MYO16: variants seen among roughly 807,000 people sequenced by gnomAD.
The protein encoded by MYO16 is myosin XVI, also known as unconventional myosin-XVI.
A neutral mutation model predicts 205.3 loss-of-function variants in MYO16; 94 were observed. The observed-to-expected ratio is 0.46, with a 90% CI of 0.39 to 0.54. The LOEUF (loss-of-function observed/expected upper bound fraction) is 0.54. Ranked by LOEUF, MYO16 falls within the 20% of genes least tolerant of loss-of-function variation. MYO16 has a pLI of 0.00. For synonymous variants in MYO16, 988 were observed against 954.0 expected, an observed-to-expected ratio of 1.04 and a Z score of -0.66; for missense variants, 2,315 against 2,387.5, an observed-to-expected ratio of 0.97 and a Z score of 0.63.
At chr13:108,610,778 A>G (rs945872417) in intron 1 of MYO16, among the ~76,000 whole-genome samples, 1 of 152,182 alleles carries the variant, frequency 6.6e-6, no homozygotes, top group African/African-American at 2.4e-5. Flanking sequence ...GAGGCAGAAG[A>G]GAGGAGGAGA....
At chr13:109,012,779 G>GTATATATATATATATATA (rs113007743) in intron 22 of MYO16, among the ~76,000 whole-genome samples, 1 of 146,658 alleles carries the variant, frequency 6.8e-6, no homozygotes, top group African/African-American at 2.5e-5. Context: ...ATGTGTGTGT[G>GTATATATATATATATATA]TATATATATA....
At chr13:108,663,026 T>C (rs1251185671) in intron 1 of MYO16, among the ~76,000 whole-genome samples, 2 of 152,150 alleles carry the variant, frequency 1.3e-5, no homozygotes, top group Non-Finnish European at 2.9e-5. Context: ...CTTCACCTTC[T>C]CCAGTGGGGG....
intron 34 of MYO16, among the ~76,000 whole-genome samples, chr13:109,180,244 A>T (rs1264422796): frequency 6.6e-6 from 1 of 152,232 alleles, no homozygotes; most frequent in African/African-American, 2.4e-5. Flanking sequence ...TTATCACTTC[A>T]AGAAGAAGAA....
chr13:108,736,937 TTG>T (rs1884723621), intron 4 of MYO16, among the ~76,000 whole-genome samples: 1 of 151,860 alleles, frequency 6.6e-6, no homozygotes. Flanking sequence ...ATTTGGCTGT[TTG>T]TCTGTTATTC....
chr13:108,674,859 A>G (rs1265481776), intron 2 of MYO16, among the ~76,000 whole-genome samples: 1 of 152,210 alleles, frequency 6.6e-6, no homozygotes, highest in Non-Finnish European at 1.5e-5. Context: ...TAGAGCAAAT[A>G]TAAAATATCA....
chr13:108,748,378 C>T (rs1332823129), intron 4 of MYO16, among the ~76,000 whole-genome samples: 1 of 151,870 alleles, frequency 6.6e-6, no homozygotes, highest in African/African-American at 2.4e-5. Flanking sequence ...AAATTTATAG[C>T]ATTAAATACG....
At chr13:109,121,165 A>C (rs2139761972) in intron 29 of MYO16, among the ~76,000 whole-genome samples, 1 of 152,272 alleles carries the variant, frequency 6.6e-6, no homozygotes, top group South Asian at 2.1e-4. Context: ...ATAATGATCA[A>C]AATTCTGAAC....
intron 2 of MYO16, among the ~76,000 whole-genome samples, chr13:108,701,181 C>CA (rs1373337382): frequency 6.6e-6 from 1 of 151,962 alleles, no homozygotes; most frequent in Non-Finnish European, 1.5e-5. Flanking sequence ...CAATTACAAG[C>CA]AGAAACAGCA....
At chr13:108,697,458 C>A (rs1299577723) in intron 2 of MYO16, among the ~76,000 whole-genome samples, 2 of 152,126 alleles carry the variant, frequency 1.3e-5, no homozygotes, top group African/African-American at 4.8e-5. Context: ...TCCAGGAATT[C>A]CAGTTGCATC....
At chr13:109,191,557 T>C (rs939920561) in intron 34 of MYO16, among the ~76,000 whole-genome samples, 2 of 152,150 alleles carry the variant, frequency 1.3e-5, no homozygotes, top group East Asian at 3.9e-4. Flanking sequence ...AGCAAAGATA[T>C]GGAAGTCAGG....
chr13:109,127,518 G>C lies in MYO16; in HGVS notation c.4019G>C (p.Cys1340Ser). The C allele has an allele frequency of 6.2e-7, 1 of 1,612,478 alleles. No homozygotes were observed. The highest frequency in any genetic ancestry group is 8.5e-7 in the Non-Finnish European group (1 of 1,179,910). ...GCTTCCTATGAGGCTGTGAGCGCCTGCCTCTCCGCGGCCAGGGAAGCGGCC... is the reference window on the plus strand; with the variant it reads ...GCTTCCTATGAGGCTGTGAGCGCCTCCCTCTCCGCGGCCAGGGAAGCGGCC... ...LSASYEAVSA[C>S]LSAAREAANE... Residue 1340 changes from cysteine to serine, a missense_variant, in exon 31 of 35, where the codon TGC becomes TCC. Coordinates refer to ENST00000457511, the MANE Select transcript of MYO16 (RefSeq NM_001198950.3). The surrounding 1 kb of genome is among the most constrained non-coding windows in gnomAD (Gnocchi z 4.2).
In MYO16 at chr13:109,132,482, CAT is replaced by C. The variant is rs200899142; in HGVS notation, c.4051+4933_4051+4934del. ...TGTTTCTGTCTTCATTCTAGAACAACATGTGTCACATAGTAAGCACTCATCAA... is the reference window on the plus strand; with the variant it reads ...TGTTTCTGTCTTCATTCTAGAACAACGTGTCACATAGTAAGCACTCATCAA... On this transcript the variant is annotated intron_variant, in intron 31 of 34. Coordinates refer to ENST00000457511, the MANE Select transcript of MYO16 (RefSeq NM_001198950.3). Among the ~76,000 whole-genome samples the C allele has an allele frequency of 4.7e-3, 709 of 152,310 alleles. 9 individuals are homozygous for C. The highest frequency in any genetic ancestry group is 0.016 in the African/African-American group (667 of 41,566).
At chr13:108,735,713 G>A (rs529101096) in intron 4 of MYO16, among the ~76,000 whole-genome samples, 2 of 150,954 alleles carry the variant, frequency 1.3e-5, no homozygotes, top group East Asian at 2.0e-4. Flanking sequence ...CTGAGGAATC[G>A]CCACACTGAC....
At chr13:108,881,541 A>C (rs1879616932) in intron 12 of MYO16, among the ~76,000 whole-genome samples, 1 of 152,160 alleles carries the variant, frequency 6.6e-6, no homozygotes, top group Non-Finnish European at 1.5e-5. Flanking sequence ...GAAGCTAAAA[A>C]CCTCGAAAAA....
chr13:108,498,133 T>TG, the MYO16 span, among the ~76,000 whole-genome samples: 2 of 152,246 alleles, frequency 1.3e-5, no homozygotes, highest in African/African-American at 4.8e-5. Context: ...TTTAAGCCTG[T>TG]GCTCAGTTGA....
rs564843288 is a variant in MYO16, at chr13:108,893,751, A to C, written c.1660-4265A>C. Among the ~76,000 whole-genome samples, 14 of 152,274 alleles carry C rather than the reference A, an allele frequency of 9.2e-5. No individual in the cohort carries two copies. The South Asian group carries it at 2.7e-3, about 29-fold the overall frequency. ...ACAGGCCATCATGGGGAGTGCTGGC[A>C]GGCGGGATCAGGTGTGTAGCAAGCA... On this transcript the variant is annotated intron_variant, in intron 14 of 34. Coordinates refer to ENST00000457511, the MANE Select transcript of MYO16 (RefSeq NM_001198950.3).
intron 15 of MYO16, among the ~76,000 whole-genome samples, chr13:108,900,232 G>C (rs1043851418): frequency 6.6e-6 from 1 of 152,098 alleles, no homozygotes; most frequent in Non-Finnish European, 1.5e-5. Flanking sequence ...AAAAGAACTA[G>C]AAAACTTTGT....
intron 34 of MYO16, among the ~76,000 whole-genome samples, chr13:109,194,783 GGCATTAAAGATTTTTGA>G (rs1244154126): frequency 6.6e-6 from 1 of 152,052 alleles, no homozygotes; most frequent in Non-Finnish European, 1.5e-5. Context: ...GGAAGGCAGT[GGCATTAAAGATTTTTGA>G]GCAAGCAAAT....
the MYO16 span, among the ~76,000 whole-genome samples, chr13:108,505,666 T>C: frequency 6.6e-6 from 1 of 152,188 alleles, no homozygotes; most frequent in African/African-American, 2.4e-5. Context: ...GCACAGATTT[T>C]TGGTTTGATG....
Sources: gnomAD v4.1 joint callset for allele counts (sites outside exome capture counted in the v4.1 genomes callset) on GRCh38, gnomAD v4.1.1 for gene constraint, Gnocchi (gnomAD v3.1) non-coding constraint, MANE v1.5 for transcripts, NCBI Gene and HGNC (gene_info 2026-07-23, HGNC 2026-07-21) for gene names.